GABPB2: variants seen among roughly 807,000 people sequenced by gnomAD.
GABPB2 encodes GA binding protein transcription factor subunit beta 2.
GABPB2 carries 23 observed loss-of-function variants against 39.1 expected under a neutral mutation model. The ratio of observed to expected loss-of-function variants is 0.59; its 90% CI spans 0.42 to 0.83. The LOEUF is 0.83. Among genes scored for constraint, GABPB2 ranks in the 40% least tolerant of loss-of-function variants. GABPB2 has a pLI of 0.00. For missense variants in GABPB2, 467 were observed against 541.1 expected (o/e 0.86, Z 1.36); for synonymous variants, 184 against 199.3 (o/e 0.92, Z 0.65).
intron 6 of GABPB2, among the ~76,000 whole-genome samples, chr1:151,104,775 C>CTCCT (rs1558151298): frequency 0.059 from 3,135 of 53,512 alleles, 100 homozygotes; most frequent in African/African-American, 0.12. Flanking sequence ...CTTTCTTTCT[C>CTCCT]TCTTTCTTTC....
At chr1:151,109,638 C>T (rs587660677) in intron 7 of GABPB2, among the ~76,000 whole-genome samples, 5 of 150,536 alleles carry the variant, frequency 3.3e-5, no homozygotes, top group East Asian at 3.9e-4. Flanking sequence ...GAATTACAAG[C>T]GTGAGCCACC....
rs1330126768 is a variant in GABPB2 at position 151,099,048 on chromosome 1, C to G, written c.622+1046C>G. ...GCAGTGAGCCGAGATTGCGCCATTG[C>G]GCTCCAGCCTGGGCAACAAGAGTGA... On this transcript the variant is annotated intron_variant, in intron 5 of 8. Coordinates refer to ENST00000368918, the MANE Select transcript of GABPB2 (RefSeq NM_144618.3). Among the ~76,000 whole-genome samples the G allele has an allele frequency of 2.1e-5, 3 of 141,738 alleles. No individual in the cohort carries two copies. The East Asian group carries it at 6.4e-4, about 30-fold the overall frequency. 93.0% of individuals were successfully genotyped at this position (141,738 alleles called of 152,430 possible).
chr1:151,110,366 T>C (rs1406664033), intron 7 of GABPB2, among the ~76,000 whole-genome samples: 1 of 152,042 alleles, frequency 6.6e-6, no homozygotes, highest in Non-Finnish European at 1.5e-5. Flanking sequence ...TTTTTAGGGC[T>C]CATTGGGTAG....
rs1681222619 is a variant in GABPB2, at chr1:151,122,601, GGCCCAACCA to G, written c.*4348_*4356del. 6.6e-6 allele frequency: 1 copy of G among 152,058 alleles called. No homozygotes were observed. The highest frequency in any genetic ancestry group is 1.5e-5 in the Non-Finnish European group (1 of 68,024). The allele number at this position is 152,058 out of a possible 1,614,324, so 9.4% of individuals were successfully genotyped here. On this transcript the variant is annotated 3_prime_UTR_variant, in exon 9 of 9. Coordinates refer to ENST00000368918, the MANE Select transcript of GABPB2 (RefSeq NM_144618.3). ...AGGTTAACTCTGCAGATGATATTCA[GGCCCAACCA>G]GCTCACTCTCTGGGGTGGCTACTGA...
intron 6 of GABPB2, among the ~76,000 whole-genome samples, chr1:151,106,575 T>A (rs1444156388): frequency 6.6e-6 from 1 of 151,888 alleles, no homozygotes; most frequent in Admixed American, 6.6e-5. Context: ...TGGCCTCAAG[T>A]GATTCGCCCA....
intron 5 of GABPB2, among the ~76,000 whole-genome samples, chr1:151,102,251 G>A (rs915794669): frequency 2.0e-5 from 3 of 152,136 alleles, no homozygotes; most frequent in African/African-American, 7.2e-5. Context: ...AATCCGGGAG[G>A]CGGAGGTTGC....
intron 1 of GABPB2, among the ~76,000 whole-genome samples, chr1:151,082,001 TATA>T (rs199894629): frequency 0.011 from 1,640 of 152,176 alleles, 43 homozygotes; most frequent in African/African-American, 0.038. Context: ...GAAAGAGTAT[TATA>T]ATAACTTTTT....
At chr1:151,114,530 T>C (rs1347096083) in intron 7 of GABPB2, among the ~76,000 whole-genome samples, 1 of 151,884 alleles carries the variant, frequency 6.6e-6, no homozygotes, top group Admixed American at 6.6e-5. Context: ...AAACCACATC[T>C]CTACTAAAAA....
chr1:151,089,009 T>C (rs1409841222), intron 2 of GABPB2, among the ~76,000 whole-genome samples: 1 of 151,766 alleles, frequency 6.6e-6, no homozygotes, highest in Admixed American at 6.6e-5. Flanking sequence ...AAAGAAGTCA[T>C]CTAGCTGTTT....
intron 7 of GABPB2, chr1:151,112,376 C>G (rs926339099): frequency 6.6e-6 from 1 of 151,944 alleles, no homozygotes; most frequent in African/African-American, 2.4e-5. Context: ...GAGTCTCACT[C>G]TGTCGCCCAG....
intron 8 of GABPB2, 90 bp downstream of exon 8, chr1:151,117,606 C>A: frequency 7.2e-7 from 1 of 1,396,936 alleles, no homozygotes; most frequent in Non-Finnish European, 9.8e-7. Flanking sequence ...CTTTTTGAGA[C>A]GGAGTCTTGC....
chr1:151,099,444 C>A (rs1297523420), intron 5 of GABPB2, among the ~76,000 whole-genome samples: 1 of 152,176 alleles, frequency 6.6e-6, no homozygotes, highest in Non-Finnish European at 1.5e-5. Context: ...GATCTACCCG[C>A]CTCGGCCTCC....
chr1:151,090,101 G>A (rs587664869), intron 2 of GABPB2, among the ~76,000 whole-genome samples: 2 of 152,040 alleles, frequency 1.3e-5, no homozygotes, highest in South Asian at 4.2e-4. Context: ...CACCACGCCT[G>A]GCTAACTTTT....
chr1:151,101,692 T>C (rs587595912), intron 5 of GABPB2, among the ~76,000 whole-genome samples: 1 of 152,292 alleles, frequency 6.6e-6, no homozygotes, highest in East Asian at 1.9e-4. Flanking sequence ...CAAGAAATGT[T>C]TATAGGGTCC....
chr1:151,102,386 G>A (rs1374435738), intron 5 of GABPB2, among the ~76,000 whole-genome samples: 2 of 152,056 alleles, frequency 1.3e-5, no homozygotes, highest in African/African-American at 2.4e-5. Flanking sequence ...AACATTTAGC[G>A]TTTTTAGTGT....
intron 1 of GABPB2, among the ~76,000 whole-genome samples, chr1:151,077,028 C>T (rs1287317147): frequency 6.6e-6 from 1 of 151,280 alleles, no homozygotes; most frequent in Non-Finnish European, 1.5e-5. Flanking sequence ...CTCCTGACCT[C>T]GTGATCCGCC....
chr1:151,095,922 A>C (rs72706600), intron 4 of GABPB2, among the ~76,000 whole-genome samples: 2,536 of 151,674 alleles, frequency 0.017, 34 homozygotes, highest in Non-Finnish European at 0.029. Context: ...AATCCCAGCT[A>C]CTTGGGTGAT....
intron 7 of GABPB2, among the ~76,000 whole-genome samples, chr1:151,113,000 A>G (rs587731445): frequency 4.0e-5 from 6 of 149,116 alleles, no homozygotes; most frequent in Non-Finnish European, 7.4e-5. Context: ...GATGGTCTTG[A>G]TCTCTTGACC....
intron 7 of GABPB2, among the ~76,000 whole-genome samples, chr1:151,117,155 C>T (rs1383521242): frequency 6.6e-6 from 1 of 152,120 alleles, no homozygotes; most frequent in Non-Finnish European, 1.5e-5. Flanking sequence ...ATATATTTTA[C>T]TTTCTCTTTC....
Sources: gnomAD v4.1 joint callset for allele counts (sites outside exome capture counted in the v4.1 genomes callset) on GRCh38, gnomAD v4.1.1 for gene constraint, MANE v1.5 for transcripts, NCBI Gene and HGNC (gene_info 2026-07-23, HGNC 2026-07-21) for gene names.